Variants in TAF2 observed in about 807,000 individuals in gnomAD.
TAF2 encodes transcription initiation factor TFIID subunit 2.
In TAF2, 61 loss-of-function variants were observed where a neutral mutation model predicts 138.5. The ratio of observed to expected loss-of-function variants is 0.44; its 90% CI spans 0.36 to 0.54. TAF2 has a LOEUF of 0.54. Among genes scored for constraint, TAF2 ranks in the 20% least tolerant of loss-of-function variants. TAF2 has a pLI of 0.00. For missense variants in TAF2, 1,090 were observed against 1,427.9 expected (o/e 0.76, Z 3.81); for synonymous variants, 475 against 469.9 (o/e 1.01, Z -0.14).
At position 119,796,974 on chromosome 8, in the gene TAF2, C is replaced by T; in HGVS notation, c.1091+16G>A. 1 of 1,561,774 alleles carries T rather than the reference C, an allele frequency of 6.4e-7. No homozygotes were observed. The highest frequency in any genetic ancestry group is 8.8e-7 in the Non-Finnish European group (1 of 1,132,696). On this transcript the variant is annotated intron_variant, in intron 8 of 25. Coordinates refer to ENST00000378164, the MANE Select transcript of TAF2 (RefSeq NM_003184.4). The stretch of plus-strand genomic sequence containing the variant: ...TTGATTCTCTTCTCAGTAGTATGAA[C>T]TTTCAGGTCACTCACCAAGACATTC...
At chr8:119,755,876 A>T in intron 22 of TAF2, 130 bp downstream of exon 22, 1 of 690,124 alleles carries the variant, frequency 1.4e-6, no homozygotes, top group Non-Finnish European at 2.5e-6. Flanking sequence ...AAGGTGTGAT[A>T]GTCTACTTAA....
intron 4 of TAF2, among the ~76,000 whole-genome samples, chr8:119,804,365 A>G (rs1824470701): frequency 6.6e-6 from 1 of 152,046 alleles, no homozygotes; most frequent in African/African-American, 2.4e-5. Flanking sequence ...TCCAAATCCA[A>G]CCCCAAACTT....
rs116755363 is a variant in TAF2 at position 119,829,105 on chromosome 8, A to C, written c.138+2572T>G. On this transcript the variant is annotated intron_variant, in intron 2 of 25. Coordinates refer to ENST00000378164, the MANE Select transcript of TAF2 (RefSeq NM_003184.4). The stretch of plus-strand genomic sequence containing the variant: ...CAACAGTGGATGCGTTGGGGTTAAA[A>C]AGGTAGACTGTTCTGATTATTCTCA... Among the ~76,000 whole-genome samples, 962 of 152,322 alleles carry C rather than the reference A, an allele frequency of 6.3e-3. 8 individuals are homozygous for C. The highest frequency in any genetic ancestry group is 0.02 in the Middle Eastern group (6 of 294).
intron 22 of TAF2, among the ~76,000 whole-genome samples, chr8:119,753,917 TC>T (rs1472673202): frequency 6.6e-6 from 1 of 152,184 alleles, no homozygotes; most frequent in Non-Finnish European, 1.5e-5. Flanking sequence ...CTTTATAAGT[TC>T]CTGAACTTAA....
rs934314715 is a variant in TAF2 at position 119,762,737 on chromosome 8, G to A, written c.2365-129C>T. 6.6e-6 allele frequency: 5 copies of A among 760,184 alleles called. No homozygotes were observed. The Admixed American group carries it at 1.4e-4, about 21-fold the overall frequency. The allele number at this position is 760,184 out of a possible 1,614,324, so 47.1% of individuals were successfully genotyped here. On this transcript the variant is annotated intron_variant, in intron 18 of 25. Transcript: ENST00000378164. ...TCCCAAAACACAAGCAAGTCCTCTG[G>A]TAAACATTCAACTCCACCCTTTGCA...
chr8:119,806,212 C>A, intron 4 of TAF2, 71 bp downstream of exon 4: 1 of 1,280,436 alleles, frequency 7.8e-7, no homozygotes, highest in Non-Finnish European at 1.1e-6. Flanking sequence ...CATTAGTTCT[C>A]ATGTAAAATT....
chr8:119,783,490 G>A lies in TAF2; in HGVS notation c.2003C>T (p.Ala668Val), dbSNP rs767234196. ...DVVAQQESIL[A>V]LEKFPTPASR... is the part of the protein sequence containing the mutation. Reference sequence around the variant, plus strand: ...TGCTGGAGTAGGGAATTTTTCCAAAGCCAAAATGGATTCCTGCTGTGCAAC... The same window carrying A: ...TGCTGGAGTAGGGAATTTTTCCAAAACCAAAATGGATTCCTGCTGTGCAAC... Residue 668 changes from alanine to valine, a missense_variant, in exon 16 of 26, where the codon GCT (alanine) becomes GTT (valine). By Grantham distance (64) the Ala-to-Val change is moderately conservative (BLOSUM62 0). Transcript: ENST00000378164. The A allele has an allele frequency of 8.7e-6, 14 of 1,613,960 alleles. No individual in the cohort carries two copies. Among genetic ancestry groups the A allele is most frequent in the Non-Finnish European group, 1.1e-5 (13 of 1,180,014 alleles).
intron 2 of TAF2, among the ~76,000 whole-genome samples, chr8:119,827,670 G>A (rs1468031914): frequency 6.6e-6 from 1 of 151,934 alleles, no homozygotes; most frequent in Non-Finnish European, 1.5e-5. Flanking sequence ...AACAGAACTG[G>A]GAACCAAGGG....
intron 2 of TAF2, among the ~76,000 whole-genome samples, chr8:119,827,230 T>A (rs1190066474): frequency 2.0e-5 from 3 of 152,142 alleles, no homozygotes; most frequent in Non-Finnish European, 4.4e-5. Flanking sequence ...AGCCCAAGTG[T>A]CAGTTTTCTC....
chr8:119,806,718 T>C (rs1824682880), intron 3 of TAF2, among the ~76,000 whole-genome samples: 2 of 152,182 alleles, frequency 1.3e-5, no homozygotes, highest in African/African-American at 2.4e-5. Context: ...TCCATTCACC[T>C]TGGCCTCCCA....
intron 12 of TAF2, 113 bp from the exon 13 acceptor site, chr8:119,789,017 T>G: frequency 1.3e-6 from 1 of 751,138 alleles, no homozygotes; most frequent in South Asian, 1.5e-5. Context: ...GTTCAAAGTT[T>G]GAGAGCATAC....
At chr8:119,822,971 C>T (rs550733477) in intron 2 of TAF2, among the ~76,000 whole-genome samples, 4 of 152,304 alleles carry the variant, frequency 2.6e-5, no homozygotes, top group Admixed American at 6.5e-5. Flanking sequence ...CTCTGTTTCA[C>T]GTACCCATCT....
At chr8:119,831,216 G>A (rs1826425991) in intron 2 of TAF2, among the ~76,000 whole-genome samples, 2 of 152,114 alleles carry the variant, frequency 1.3e-5, no homozygotes, top group Non-Finnish European at 2.9e-5. Context: ...GGGAGGTAGA[G>A]GGTTTCTAGA....
chr8:119,792,771 T>G (rs761835389), intron 10 of TAF2, among the ~76,000 whole-genome samples: 3 of 152,114 alleles, frequency 2.0e-5, no homozygotes, highest in Non-Finnish European at 4.4e-5. Context: ...TCTCTTGCCC[T>G]GCCATCCCTT....
intron 25 of TAF2, among the ~76,000 whole-genome samples, chr8:119,734,470 T>C (rs1321588033): frequency 6.6e-6 from 1 of 152,214 alleles, no homozygotes; most frequent in Non-Finnish European, 1.5e-5. Flanking sequence ...ACTAATTTTA[T>C]TTATTGACAG....
rs374201801 is a variant in TAF2, at chr8:119,819,424, C to T, written c.221G>A (p.Arg74Gln). ...KLNSKQCRIYRVRINDLEAAF... is the reference protein window; with the variant it reads ...KLNSKQCRIYQVRINDLEAAF... ...AGCCTCTAAATCATTGATCCTTACT[C>T]GGTATATTCTACACTGTTTGCTGTT... The change falls in exon 3 of 26, where the codon CGA (arginine) becomes CAA (glutamine). Residue 74 changes from arginine to glutamine, a missense_variant. Arg to Gln is a conservative substitution (Grantham distance 43, BLOSUM62 1). Coordinates refer to ENST00000378164, the MANE Select transcript of TAF2 (RefSeq NM_003184.4). 1.6e-5 allele frequency: 25 copies of T among 1,612,342 alleles called. No individual in the cohort carries two copies. Among genetic ancestry groups the T allele is most frequent in the Middle Eastern group, 1.6e-4 (1 of 6,078 alleles).
At chr8:119,831,901 C>G (rs558647418) in intron 1 of TAF2, among the ~76,000 whole-genome samples, 170 bp from the exon 2 acceptor site, 2 of 152,264 alleles carry the variant, frequency 1.3e-5, no homozygotes, top group African/African-American at 4.8e-5. Flanking sequence ...TGGCTCACGC[C>G]TGTAATCCCA....
chr8:119,771,937 G>A (rs1821870526), intron 18 of TAF2, among the ~76,000 whole-genome samples: 1 of 152,010 alleles, frequency 6.6e-6, no homozygotes, highest in African/African-American at 2.4e-5. Context: ...CACATGCTTG[G>A]CTAAAATGCA....
intron 25 of TAF2, among the ~76,000 whole-genome samples, chr8:119,732,997 A>G (rs1434414600): frequency 5.3e-5 from 8 of 152,104 alleles, no homozygotes; most frequent in African/African-American, 1.9e-4. Flanking sequence ...ACACAGATTG[A>G]AAATACAGAT....
Sources: gnomAD v4.1 joint callset for allele counts (sites outside exome capture counted in the v4.1 genomes callset) on GRCh38, gnomAD v4.1.1 for gene constraint, MANE v1.5 for transcripts, NCBI Gene and HGNC (gene_info 2026-07-23, HGNC 2026-07-21) for gene names.